CUX2: variants seen among roughly 807,000 people sequenced by gnomAD.
The protein encoded by CUX2 is cut like homeobox 2, also known as homeobox protein cut-like 2.
A neutral mutation model predicts 144.8 loss-of-function variants in CUX2; 40 were observed. The observed-to-expected ratio is 0.28, with a 90% CI of 0.21 to 0.36. The LOEUF (loss-of-function observed/expected upper bound fraction) is 0.36, where lower values mean the gene tolerates loss of function less well. CUX2 is among the 10% of genes least tolerant of loss of function. CUX2 has a pLI of 1.00. For synonymous variants in CUX2, 827 were observed against 875.6 expected, an observed-to-expected ratio of 0.94 and a Z score of 0.98; for missense variants, 1,615 against 1,994.0, an observed-to-expected ratio of 0.81 and a Z score of 3.62.
At chr12:111,138,418 G>C (rs1308679136) in intron 1 of CUX2, among the ~76,000 whole-genome samples, 1 of 152,134 alleles carries the variant, frequency 6.6e-6, no homozygotes, top group African/African-American at 2.4e-5. Context: ...CATCAGAGAG[G>C]CTGCCTGTCA....
intron 21 of CUX2, among the ~76,000 whole-genome samples, chr12:111,344,560 G>A (rs188192642): frequency 7.8e-4 from 119 of 152,286 alleles, no homozygotes; most frequent in Non-Finnish European, 1.4e-3. Flanking sequence ...TGTACCAGAC[G>A]CCACAGAAAA....
chr12:111,242,580 G>A (rs758311220), intron 3 of CUX2, among the ~76,000 whole-genome samples: 5 of 152,168 alleles, frequency 3.3e-5, no homozygotes, highest in Non-Finnish European at 4.4e-5. Flanking sequence ...TTGGGAGACC[G>A]AGGTGGGCAG....
chr12:111,199,397 T>G (rs1009362018), intron 1 of CUX2, among the ~76,000 whole-genome samples: 1 of 152,166 alleles, frequency 6.6e-6, no homozygotes, highest in Non-Finnish European at 1.5e-5. Context: ...GCTGAAATGA[T>G]GCCCACAAAC....
intron 19 of CUX2, among the ~76,000 whole-genome samples, chr12:111,335,903 C>T (rs1044677445): frequency 1.3e-5 from 2 of 151,312 alleles, no homozygotes. Flanking sequence ...AAGACCTTGT[C>T]TCTAAAAAAG....
chr12:111,166,837 T>G (rs1878176167), intron 1 of CUX2, among the ~76,000 whole-genome samples: 1 of 152,146 alleles, frequency 6.6e-6, no homozygotes, highest in Non-Finnish European at 1.5e-5. Flanking sequence ...CGTCCAACTT[T>G]CTGGGACGCG....
chr12:111,200,753 G>T (rs1326589616), intron 1 of CUX2, among the ~76,000 whole-genome samples: 1 of 152,154 alleles, frequency 6.6e-6, no homozygotes, highest in Non-Finnish European at 1.5e-5. Context: ...CAGAATTGGT[G>T]GGGGGCAGGA....
intron 3 of CUX2, among the ~76,000 whole-genome samples, chr12:111,260,651 C>T (rs184610111): frequency 1.2e-3 from 184 of 152,298 alleles, no homozygotes; most frequent in Admixed American, 2.0e-3. Context: ...AAGACCAAAA[C>T]TGTCATCCTC....
chr12:111,302,337 A>T (rs1886332519), intron 9 of CUX2, among the ~76,000 whole-genome samples: 2 of 152,216 alleles, frequency 1.3e-5, no homozygotes, highest in African/African-American at 4.8e-5. Flanking sequence ...TGATGCATTT[A>T]TATGTGCCAG....
intron 1 of CUX2, among the ~76,000 whole-genome samples, chr12:111,183,467 C>A (rs577053759): frequency 6.6e-6 from 1 of 152,250 alleles, no homozygotes; most frequent in South Asian, 2.1e-4. Context: ...TAGGCAGAAG[C>A]AACACCGGGG....
Position 111,310,342 on chromosome 12 carries a change from T to G in CUX2, c.1560T>G (p.Pro520=). ...AFYGAKPPTA[P]ATPAPGPEPL... The stretch of plus-strand genomic sequence containing the variant: ...ATGGCGCCAAGCCCCCCACAGCCCC[T>G]GCCACCCCGGCCCCTGGCCCTGAGC... Residue 520 remains proline, a synonymous_variant, in exon 15 of 22, where the codon CCT becomes CCG. Transcript: ENST00000261726. The surrounding 1 kb of genome is among the most constrained non-coding windows in gnomAD (Gnocchi z 7.9). 6.5e-7 allele frequency: 1 copy of G among 1,545,364 alleles called. No individual in the cohort carries two copies. Among genetic ancestry groups the G allele is most frequent in the African/African-American group, 1.4e-5 (1 of 73,846 alleles).
intron 1 of CUX2, among the ~76,000 whole-genome samples, chr12:111,168,780 G>A (rs1878320277): frequency 6.6e-6 from 1 of 152,246 alleles, no homozygotes; most frequent in African/African-American, 2.4e-5. Flanking sequence ...GATGGAAGTA[G>A]CTAATAAGAA....
intron 18 of CUX2, among the ~76,000 whole-genome samples, chr12:111,325,383 G>A (rs1445751619): frequency 6.6e-6 from 1 of 152,024 alleles, no homozygotes; most frequent in Non-Finnish European, 1.5e-5. Context: ...GCTTTGTCCT[G>A]TAATCTTCAT....
chr12:111,272,859 C>G (rs1830035188), intron 4 of CUX2, among the ~76,000 whole-genome samples: 1 of 152,212 alleles, frequency 6.6e-6, no homozygotes, highest in Non-Finnish European at 1.5e-5. Context: ...CCATGACCCC[C>G]TGGCTAAACT....
At position 111,320,286 on chromosome 12, in the gene CUX2, C is replaced by T. The variant is rs1313395324; in HGVS notation, c.2277C>T (p.Leu759=). The change falls in exon 17 of 22, where the codon CTC becomes CTT. Residue 759 remains leucine, a synonymous_variant. Coordinates refer to ENST00000261726, the MANE Select transcript of CUX2 (RefSeq NM_015267.4). This position sits in a 1 kb window ranked among gnomAD's most constrained non-coding sequence, Gnocchi z 8.1. ...EGSGGPAQAP[L]PVLSPAAFVQ... is the part of the protein sequence containing the mutation. ...GCGGGGGCCCCGCGCAGGCGCCGCT[C>T]CCGGTCCTGTCCCCCGCCGCCTTCG... 1.9e-6 allele frequency: 3 copies of T among 1,596,576 alleles called. No individual in the cohort carries two copies. The highest frequency in any genetic ancestry group is 2.7e-5 in the African/African-American group (2 of 74,708).
chr12:111,222,698 G>C (rs1371743881), intron 3 of CUX2, among the ~76,000 whole-genome samples: 1 of 152,146 alleles, frequency 6.6e-6, no homozygotes, highest in South Asian at 2.1e-4. Context: ...CAGCTCATAG[G>C]ATTGCATGAG....
intron 4 of CUX2, among the ~76,000 whole-genome samples, chr12:111,275,577 C>T (rs1884834996): frequency 6.6e-6 from 1 of 152,200 alleles, no homozygotes; most frequent in Non-Finnish European, 1.5e-5. Context: ...GATGCCCTGT[C>T]ACTTCTCCTG....
chr12:111,147,777 G>T (rs1876785257), intron 1 of CUX2, among the ~76,000 whole-genome samples: 1 of 152,196 alleles, frequency 6.6e-6, no homozygotes, highest in South Asian at 2.1e-4. Context: ...TGATGCCACA[G>T]CAAAGGTAGC....
At chr12:111,172,088 T>C (rs1023714696) in intron 1 of CUX2, among the ~76,000 whole-genome samples, 3 of 152,002 alleles carry the variant, frequency 2.0e-5, no homozygotes, top group African/African-American at 4.8e-5. Context: ...CCTGTGCGTA[T>C]GCATGTCTCT....
chr12:111,089,594 C>T (rs1872438390), intron 1 of CUX2, among the ~76,000 whole-genome samples: 1 of 152,164 alleles, frequency 6.6e-6, no homozygotes, highest in Non-Finnish European at 1.5e-5. Flanking sequence ...GTATGTGTTG[C>T]AACAGCGGCC....
Sources: gnomAD v4.1 joint callset for allele counts (sites outside exome capture counted in the v4.1 genomes callset) on GRCh38, gnomAD v4.1.1 for gene constraint, Gnocchi (gnomAD v3.1) non-coding constraint, MANE v1.5 for transcripts, NCBI Gene and HGNC (gene_info 2026-07-23, HGNC 2026-07-21) for gene names.